CREB3L2: variants seen among roughly 807,000 people sequenced by gnomAD.
The protein encoded by CREB3L2 is cyclic AMP-responsive element-binding protein 3-like protein 2.
CREB3L2 carries 23 observed loss-of-function variants against 57.2 expected under a neutral mutation model. That is an observed-to-expected ratio of 0.40 (90% CI 0.29 to 0.57). The LOEUF (loss-of-function observed/expected upper bound fraction) is 0.57, where lower values mean the gene tolerates loss of function less well. Among genes scored for constraint, CREB3L2 ranks in the 20% least tolerant of loss-of-function variants. The pLI, the probability that CREB3L2 is intolerant of heterozygous loss-of-function variation, is 0.42. For missense variants in CREB3L2, 628 were observed against 634.7 expected, an observed-to-expected ratio of 0.99 and a Z score of 0.11; for synonymous variants, 268 against 265.1, an observed-to-expected ratio of 1.01 and a Z score of -0.11.
intron 2 of CREB3L2, among the ~76,000 whole-genome samples, chr7:137,920,174 T>G (rs1268683741): frequency 6.6e-6 from 1 of 152,194 alleles, no homozygotes; most frequent in Admixed American, 6.5e-5. Context: ...AATTTTGCAG[T>G]GACCTCCCAC....
At position 137,912,977 on chromosome 7, in the gene CREB3L2, G is replaced by C. The variant is rs1383622500; in HGVS notation, c.583+14C>G. 6.2e-7 allele frequency: 1 copy of C among 1,613,392 alleles called. No homozygotes were observed. The highest frequency in any genetic ancestry group is 1.7e-5 in the Admixed American group (1 of 59,954). On this transcript the variant is annotated intron_variant, in intron 4 of 11. Transcript: ENST00000330387. ...TATCCATAACCCAAAGGGACACAGGGAGGGCAGACAGACCTTCTTTAGGAG... is the reference window on the plus strand; with the variant it reads ...TATCCATAACCCAAAGGGACACAGGCAGGGCAGACAGACCTTCTTTAGGAG...
At position 137,879,616 on chromosome 7, in the gene CREB3L2, ACACGGGATCC is replaced by A; in HGVS notation, c.*850_*859del. ...AGGAAACAAAACATTGTCTGGAAAG[ACACGGGATCC>A]CAGAGCCTAGGGTGCCCTCCTAGCT... On this transcript the variant is annotated 3_prime_UTR_variant, in exon 12 of 12. Coordinates refer to ENST00000330387, the MANE Select transcript of CREB3L2 (RefSeq NM_194071.4). 1 of 247,562 alleles carries A rather than the reference ACACGGGATCC, an allele frequency of 4.0e-6. No homozygotes were observed. The highest frequency in any genetic ancestry group is 7.9e-6 in the Non-Finnish European group (1 of 127,188). 15.3% of individuals were successfully genotyped at this position (247,562 alleles called of 1,614,324 possible).
chr7:137,966,169 CA>C (rs1801403771), intron 1 of CREB3L2, among the ~76,000 whole-genome samples: 2 of 152,142 alleles, frequency 1.3e-5, no homozygotes, highest in Non-Finnish European at 2.9e-5. Context: ...ACAGGAAGTG[CA>C]AACATGTGAA....
At chr7:137,981,558 G>GA (rs1357900961) in intron 1 of CREB3L2, among the ~76,000 whole-genome samples, 1 of 152,122 alleles carries the variant, frequency 6.6e-6, no homozygotes, top group Non-Finnish European at 1.5e-5. Flanking sequence ...AATTAACTAG[G>GA]AAAAAAGTCA....
Position 138,001,963 on chromosome 7 carries a change from G to C in CREB3L2, c.-258C>G, listed in dbSNP as rs1430244621. 1 of 427,156 alleles carries C rather than the reference G, an allele frequency of 2.3e-6. No homozygotes were observed. The highest frequency in any genetic ancestry group is 4.2e-6 in the Non-Finnish European group (1 of 238,480). The allele number at this position is 427,156 out of a possible 1,614,324, so 26.5% of individuals were successfully genotyped here. ...CCAAAGGCTGCCGGGGCTAAAGCGGGATGTGCATCCAAAATGAAGGCAGAA... is the reference window on the plus strand; with the variant it reads ...CCAAAGGCTGCCGGGGCTAAAGCGGCATGTGCATCCAAAATGAAGGCAGAA... On this transcript the variant is annotated 5_prime_UTR_variant, in exon 1 of 12. In the 5' UTR this introduces an upstream ATG that the reference lacks. Transcript: ENST00000330387. This position sits in a 1 kb window ranked among gnomAD's most constrained non-coding sequence, Gnocchi z 4.2.
At chr7:137,953,001 G>C (rs570303258) in intron 1 of CREB3L2, among the ~76,000 whole-genome samples, 106 of 152,138 alleles carry the variant, frequency 7.0e-4, no homozygotes, top group Non-Finnish European at 1.2e-3. Context: ...ATTTTTCGTA[G>C]AGACAGGGTT....
intron 1 of CREB3L2, among the ~76,000 whole-genome samples, chr7:137,963,739 G>T (rs144868741): frequency 2.6e-4 from 39 of 152,266 alleles, no homozygotes; most frequent in African/African-American, 8.7e-4. Flanking sequence ...CTAAATTGCC[G>T]AAGCAGGGAT....
intron 1 of CREB3L2, among the ~76,000 whole-genome samples, chr7:137,938,851 G>GA (rs1800836663): frequency 2.0e-5 from 3 of 151,790 alleles, no homozygotes; most frequent in South Asian, 4.2e-4. Context: ...ATTTGATGTG[G>GA]AAAAAAAATC....
intron 1 of CREB3L2, chr7:137,956,537 G>T (rs1478988907): frequency 4.6e-6 from 5 of 1,076,298 alleles, no homozygotes; most frequent in Non-Finnish European, 6.3e-6. Flanking sequence ...AAGCCCACCT[G>T]AGCTGCTTTC....
At position 137,878,076 on chromosome 7, in the gene CREB3L2, G is replaced by A. The variant is rs1043406748; in HGVS notation, c.*2400C>T. ...ACGTCCCATTGTCTACATAGATTCC[G>A]TTTTGGAAGGATGGTTTCCCAGAGA... On this transcript the variant is annotated 3_prime_UTR_variant, in exon 12 of 12. Coordinates refer to ENST00000330387, the MANE Select transcript of CREB3L2 (RefSeq NM_194071.4). The A allele has an allele frequency of 3.5e-5, 8 of 229,848 alleles. No homozygotes were observed. The highest frequency in any genetic ancestry group is 8.9e-5 in the African/African-American group (4 of 45,136). The allele number at this position is 229,848 out of a possible 1,614,324, so 14.2% of individuals were successfully genotyped here.
intron 10 of CREB3L2, 116 bp downstream of exon 10, chr7:137,884,879 C>T: frequency 1.4e-6 from 2 of 1,461,318 alleles, no homozygotes; most frequent in South Asian, 1.1e-5. Context: ...AGAAGCTCCA[C>T]TTTTACCACT....
chr7:137,976,208 T>C (rs927827935), intron 1 of CREB3L2, among the ~76,000 whole-genome samples: 1 of 152,160 alleles, frequency 6.6e-6, no homozygotes, highest in East Asian at 1.9e-4. Flanking sequence ...CTCCTTGGGG[T>C]CCCTTTCCTA....
chr7:137,900,852 A>G (rs1374635114), intron 8 of CREB3L2, among the ~76,000 whole-genome samples: 1 of 152,098 alleles, frequency 6.6e-6, no homozygotes, highest in Non-Finnish European at 1.5e-5. Flanking sequence ...TTTTAAACTA[A>G]TAAGTATCAT....
chr7:137,996,156 C>T (rs963452707), intron 1 of CREB3L2, among the ~76,000 whole-genome samples: 1 of 152,218 alleles, frequency 6.6e-6, no homozygotes, highest in African/African-American at 2.4e-5. Context: ...GGAGATTCAC[C>T]CTTTTGACCT....
At chr7:137,989,869 C>T (rs1478846336) in intron 1 of CREB3L2, among the ~76,000 whole-genome samples, 1 of 152,160 alleles carries the variant, frequency 6.6e-6, no homozygotes, top group African/African-American at 2.4e-5. Context: ...GCCCTCATGC[C>T]CTGTAATCAC....
intron 1 of CREB3L2, among the ~76,000 whole-genome samples, chr7:137,957,304 A>G (rs1801235263): frequency 6.6e-6 from 1 of 152,166 alleles, no homozygotes; most frequent in Non-Finnish European, 1.5e-5. Context: ...CCTTCTCTTA[A>G]CACATTTACC....
At chr7:137,984,701 A>G (rs1171139849) in intron 1 of CREB3L2, among the ~76,000 whole-genome samples, 1 of 152,238 alleles carries the variant, frequency 6.6e-6, no homozygotes, top group Non-Finnish European at 1.5e-5. Context: ...TGGTTTTTCT[A>G]AAAGCAAACT....
intron 8 of CREB3L2, among the ~76,000 whole-genome samples, chr7:137,888,201 C>T (rs532921548): frequency 2.6e-5 from 4 of 152,288 alleles, no homozygotes; most frequent in African/African-American, 9.6e-5. Flanking sequence ...TGAGCTCAAA[C>T]GATCCTCTCA....
At chr7:138,000,694 C>T (rs1802059129) in intron 1 of CREB3L2, among the ~76,000 whole-genome samples, 1 of 152,204 alleles carries the variant, frequency 6.6e-6, no homozygotes, top group South Asian at 2.1e-4. Flanking sequence ...ACCCCAGCCC[C>T]ACCCCCATTA....
Sources: gnomAD v4.1 joint callset for allele counts (sites outside exome capture counted in the v4.1 genomes callset) on GRCh38, gnomAD v4.1.1 for gene constraint, Gnocchi (gnomAD v3.1) non-coding constraint, MANE v1.5 for transcripts, NCBI Gene and HGNC (gene_info 2026-07-23, HGNC 2026-07-21) for gene names.